Variants in RGS3 observed in about 807,000 individuals in gnomAD.
RGS3 encodes regulator of G-protein signalling 3.
RGS3 carries 80 observed loss-of-function variants against 132.6 expected under a neutral mutation model. The observed-to-expected ratio is 0.60, with a 90% CI of 0.50 to 0.73. The LOEUF (loss-of-function observed/expected upper bound fraction) is 0.73. RGS3 is among the 30% of genes least tolerant of loss of function. The pLI, the probability that RGS3 is intolerant of heterozygous loss-of-function variation, is 0.00. For synonymous variants in RGS3, 598 were observed against 620.6 expected (o/e 0.96, Z 0.54); for missense variants, 1,382 against 1,530.8 (o/e 0.90, Z 1.62).
intron 6 of RGS3, among the ~76,000 whole-genome samples, chr9:113,485,296 A>G (rs1350983619): frequency 2.6e-5 from 4 of 152,052 alleles, no homozygotes; most frequent in Non-Finnish European, 5.9e-5. Flanking sequence ...TCACCGTGTT[A>G]GCCAGGATGG....
intron 1 of RGS3, among the ~76,000 whole-genome samples, chr9:113,452,939 A>ATATT (rs1172570043): frequency 2.6e-4 from 32 of 121,560 alleles, no homozygotes; most frequent in African/African-American, 6.9e-4. Flanking sequence ...ATATAAATAA[A>ATATT]ATATATTTAT....
chr9:113,473,286 A>G (rs1829891365), intron 3 of RGS3, among the ~76,000 whole-genome samples: 1 of 152,240 alleles, frequency 6.6e-6, no homozygotes, highest in South Asian at 2.1e-4. Context: ...TAAACCCATG[A>G]TAGGTATAGA....
intron 7 of RGS3, among the ~76,000 whole-genome samples, chr9:113,490,940 T>A (rs1462769440): frequency 1.1e-4 from 14 of 131,596 alleles, no homozygotes; most frequent in Non-Finnish European, 2.1e-4. Flanking sequence ...ATAACCTAAT[T>A]ATAATTATAT....
intron 7 of RGS3, among the ~76,000 whole-genome samples, chr9:113,486,046 C>T (rs1830322784): frequency 6.6e-6 from 1 of 152,204 alleles, no homozygotes; most frequent in Non-Finnish European, 1.5e-5. Flanking sequence ...TGTACGTGCT[C>T]AGTTCTACAG....
rs556144908 is a variant in RGS3 at position 113,559,745 on chromosome 9, A to C, written c.2037+22827A>C. On this transcript the variant is annotated intron_variant, in intron 19 of 24. Coordinates refer to ENST00000350696, the Ensembl canonical transcript of RGS3. ...TTTCCTGATCTGTAAGCTGGGCATG[A>C]TGAGAATAGCCTATTCATCAACAAA... Among the ~76,000 whole-genome samples, 9 of 152,314 alleles carry C rather than the reference A, an allele frequency of 5.9e-5. No homozygotes were observed. The East Asian group carries it at 1.7e-3, about 29-fold the overall frequency.
chr9:113,540,786 A>G (rs1194043463), intron 19 of RGS3, among the ~76,000 whole-genome samples: 1 of 152,238 alleles, frequency 6.6e-6, no homozygotes, highest in Non-Finnish European at 1.5e-5. Context: ...AGTTCAAAGT[A>G]ACACAGTAAG....
chr9:113,489,351 G>A (rs920864583), intron 7 of RGS3, among the ~76,000 whole-genome samples: 14 of 152,196 alleles, frequency 9.2e-5, no homozygotes, highest in East Asian at 5.8e-4. Context: ...ATAGGGTGCC[G>A]TGAAAACAAG....
chr9:113,507,463 G>A lies in RGS3; in HGVS notation c.1262G>A (p.Arg421His), dbSNP rs775749351. Residue 421 changes from arginine to histidine, a missense_variant, in exon 13 of 25, where the codon CGC becomes CAC. Arg to His is a conservative substitution (Grantham distance 29). Coordinates refer to ENST00000350696, the Ensembl canonical transcript of RGS3. The surrounding 1 kb of genome is among the most constrained non-coding windows in gnomAD (Gnocchi z 5.0). ...GGGGTCCAGGCACGGCCTGAGCAGC[G>A]CCACAGCTGCCACCTGGTATGTGAC... 7 of 1,613,546 alleles carry A rather than the reference G, an allele frequency of 4.3e-6. No individual in the cohort carries two copies. The highest frequency in any genetic ancestry group is 2.2e-5 in the South Asian group (2 of 91,032).
chr9:113,495,280 G>A (rs1435177110), intron 7 of RGS3, among the ~76,000 whole-genome samples: 1 of 152,232 alleles, frequency 6.6e-6, no homozygotes, highest in Non-Finnish European at 1.5e-5. Context: ...CTGGTGGCCA[G>A]GTCAGATTGG....
At chr9:113,464,608 T>C (rs1829567078) in intron 3 of RGS3, among the ~76,000 whole-genome samples, 1 of 152,220 alleles carries the variant, frequency 6.6e-6, no homozygotes, top group Admixed American at 6.5e-5. Context: ...TCACTGGTCC[T>C]GCAACTCTCT....
intron 4 of RGS3, among the ~76,000 whole-genome samples, chr9:113,482,551 G>A (rs1344147612): frequency 6.6e-6 from 1 of 152,214 alleles, no homozygotes; most frequent in Non-Finnish European, 1.5e-5. Context: ...GCCACGGCAT[G>A]GCTCATGGCA....
chr9:113,515,956 C>T (rs1831637602), intron 15 of RGS3, among the ~76,000 whole-genome samples: 1 of 152,196 alleles, frequency 6.6e-6, no homozygotes, highest in African/African-American at 2.4e-5. Flanking sequence ...AATCCTTGCG[C>T]ATGGATTGCC....
At chr9:113,472,284 A>G (rs759522896) in intron 3 of RGS3, among the ~76,000 whole-genome samples, 6 of 152,232 alleles carry the variant, frequency 3.9e-5, no homozygotes, top group Non-Finnish European at 7.3e-5. Flanking sequence ...AAGAGGAATG[A>G]AAACACATGC....
At chr9:113,515,179 A>G (rs1346505034) in intron 15 of RGS3, among the ~76,000 whole-genome samples, 2 of 152,158 alleles carry the variant, frequency 1.3e-5, no homozygotes, top group Admixed American at 1.3e-4. Flanking sequence ...AACAAACAGC[A>G]AGCTGGGCCT....
At chr9:113,553,459 A>AAAAAAAAAAAATATAT (rs1426114805) in intron 19 of RGS3, among the ~76,000 whole-genome samples, 20 of 58,694 alleles carry the variant, frequency 3.4e-4, no homozygotes, top group Admixed American at 8.2e-4. Flanking sequence ...AAAAAAAAAA[A>AAAAAAAAAAAATATAT]ATATATATAT....
At chr9:113,543,778 T>C (rs1832997272) in intron 19 of RGS3, among the ~76,000 whole-genome samples, 1 of 152,086 alleles carries the variant, frequency 6.6e-6, no homozygotes, top group South Asian at 2.1e-4. Context: ...GGGACAGGAC[T>C]TTTCACCCAG....
chr9:113,467,457 C>T (rs182766064), intron 3 of RGS3, among the ~76,000 whole-genome samples: 7 of 152,204 alleles, frequency 4.6e-5, no homozygotes, highest in Admixed American at 3.3e-4. Flanking sequence ...ACTATAGTTT[C>T]GATTTGCATT....
At chr9:113,475,754 A>G (rs1000898347) in intron 3 of RGS3, among the ~76,000 whole-genome samples, 1 of 151,602 alleles carries the variant, frequency 6.6e-6, no homozygotes, top group Non-Finnish European at 1.5e-5. Flanking sequence ...AACAATACAT[A>G]GGGTATGTAT....
At chr9:113,501,535 C>T in intron 10 of RGS3, 1 of 1,536,476 alleles carries the variant, frequency 6.5e-7, no homozygotes, top group Non-Finnish European at 8.7e-7. Context: ...TGGGGGAGAG[C>T]TGGGTTTTCA....
Sources: gnomAD v4.1 joint callset for allele counts (sites outside exome capture counted in the v4.1 genomes callset) on GRCh38, gnomAD v4.1.1 for gene constraint, Gnocchi (gnomAD v3.1) non-coding constraint, MANE v1.5 for transcripts, NCBI Gene and HGNC (gene_info 2026-07-23, HGNC 2026-07-21) for gene names.